Variants in CSMD1 observed in about 807,000 individuals in gnomAD.
CSMD1 encodes the protein CUB and Sushi multiple domains 1.
In CSMD1, 213 loss-of-function variants were observed where a neutral mutation model predicts 417.5. That is an observed-to-expected ratio of 0.51 (90% CI 0.46 to 0.57). CSMD1 has a LOEUF of 0.57. Among genes scored for constraint, CSMD1 ranks in the 20% least tolerant of loss-of-function variants. The pLI, the probability that CSMD1 is intolerant of heterozygous loss-of-function variation, is 0.00. For missense variants in CSMD1, 6,923 were observed against 4,529.7 expected (o/e 1.53, Z -15.17); for synonymous variants, 2,862 against 1,736.8 (o/e 1.65, Z -16.11).
intron 2 of CSMD1, among the ~76,000 whole-genome samples, chr8:4,440,680 C>A (rs574597155): frequency 1.3e-5 from 2 of 152,252 alleles, no homozygotes; most frequent in African/African-American, 4.8e-5. Context: ...AATTTTATCA[C>A]ATCAATGTAT....
intron 2 of CSMD1, among the ~76,000 whole-genome samples, chr8:4,493,788 T>A (rs1481479015): frequency 6.6e-6 from 1 of 152,178 alleles, no homozygotes; most frequent in East Asian, 1.9e-4. Context: ...AAGAATAGTA[T>A]TTACTAAGCT....
rs75790224 is a variant in CSMD1 at position 4,480,543 on chromosome 8, C to A, written c.303-60478G>T. Among the ~76,000 whole-genome samples the A allele has an allele frequency of 2.2e-3, 335 of 152,288 alleles. 1 individual carries two copies. Among genetic ancestry groups the A allele is most frequent in the African/African-American group, 7.8e-3 (324 of 41,560 alleles). On this transcript the variant is annotated intron_variant, in intron 2 of 69. Transcript: ENST00000635120. ...AATTTCTCCGCCTTTTTGCACCATG[C>A]GTCAAGCGGAGGTCCTGTTACTGCA...
At chr8:3,566,748 G>C (rs918224235) in intron 10 of CSMD1, among the ~76,000 whole-genome samples, 2 of 152,164 alleles carry the variant, frequency 1.3e-5, no homozygotes, top group Non-Finnish European at 2.9e-5. Flanking sequence ...ACACCAGTTG[G>C]AATGGCTATT....
intron 3 of CSMD1, among the ~76,000 whole-genome samples, chr8:4,392,043 G>A (rs1016263101): frequency 6.6e-6 from 1 of 152,124 alleles, no homozygotes; most frequent in Non-Finnish European, 1.5e-5. Flanking sequence ...AGGGTTTTGG[G>A]GGCAATGCGA....
intron 3 of CSMD1, among the ~76,000 whole-genome samples, chr8:4,197,089 C>G (rs927563206): frequency 6.6e-6 from 1 of 152,096 alleles, no homozygotes; most frequent in African/African-American, 2.4e-5. Flanking sequence ...AATGAAACAT[C>G]AAGATGAAGA....
At chr8:3,565,807 C>T (rs1799680339) in intron 10 of CSMD1, among the ~76,000 whole-genome samples, 1 of 151,880 alleles carries the variant, frequency 6.6e-6, no homozygotes, top group Non-Finnish European at 1.5e-5. Flanking sequence ...TGAGATATCT[C>T]TCAAATATAT....
intron 1 of CSMD1, among the ~76,000 whole-genome samples, chr8:4,675,842 T>C (rs1805649809): frequency 1.3e-5 from 2 of 152,202 alleles, no homozygotes; most frequent in African/African-American, 4.8e-5. Flanking sequence ...ATCACATTTA[T>C]GCAGTGTAGT....
chr8:3,144,887 T>C (rs1298884232), intron 40 of CSMD1, among the ~76,000 whole-genome samples: 1 of 151,920 alleles, frequency 6.6e-6, no homozygotes, highest in Non-Finnish European at 1.5e-5. Flanking sequence ...CTCCTCTGCC[T>C]GCTGTGACAG....
intron 2 of CSMD1, among the ~76,000 whole-genome samples, chr8:4,606,030 G>C (rs1800849991): frequency 6.6e-6 from 1 of 152,190 alleles, no homozygotes; most frequent in South Asian, 2.1e-4. Context: ...GACAGGAATG[G>C]TTGGAGTCTA....
At chr8:3,815,428 T>A (rs1190373294) in intron 5 of CSMD1, among the ~76,000 whole-genome samples, 3 of 152,200 alleles carry the variant, frequency 2.0e-5, no homozygotes, top group African/African-American at 7.2e-5. Flanking sequence ...ATTGATAGTA[T>A]AATACACTGA....
chr8:3,410,956 T>G (rs988726915), intron 12 of CSMD1, among the ~76,000 whole-genome samples: 8 of 152,116 alleles, frequency 5.3e-5, no homozygotes, highest in Admixed American at 4.6e-4. Context: ...GAAAATGCCC[T>G]GAAGGAAGAT....
chr8:4,920,590 G>T (rs1806372116), intron 1 of CSMD1, among the ~76,000 whole-genome samples: 1 of 152,074 alleles, frequency 6.6e-6, no homozygotes, highest in Non-Finnish European at 1.5e-5. Context: ...GGGAGGCTGA[G>T]GCAGGTGGAT....
chr8:4,887,319 GT>G (rs1803816707), intron 1 of CSMD1, among the ~76,000 whole-genome samples: 1 of 152,010 alleles, frequency 6.6e-6, no homozygotes, highest in Non-Finnish European at 1.5e-5. Context: ...ATTACAATGT[GT>G]TAAAGAACAT....
intron 7 of CSMD1, among the ~76,000 whole-genome samples, chr8:3,703,136 A>T (rs1261667552): frequency 2.6e-5 from 4 of 152,206 alleles, no homozygotes; most frequent in Admixed American, 2.6e-4. Flanking sequence ...TACTGATTAC[A>T]AGCTGGTGAA....
chr8:4,466,145 T>A lies in CSMD1; in HGVS notation c.303-46080A>T, dbSNP rs149280007. ...GGATAGTTTTATAAAGAATGAAATA[T>A]TGTGAGAGAGTCTTACTCCGTGGTC... On this transcript the variant is annotated intron_variant, in intron 2 of 69. Transcript: ENST00000635120. Among the ~76,000 whole-genome samples the A allele has an allele frequency of 9.7e-3, 1,471 of 152,260 alleles. 22 individuals are homozygous for A. The highest frequency in any genetic ancestry group is 0.034 in the African/African-American group (1,397 of 41,542).
intron 3 of CSMD1, among the ~76,000 whole-genome samples, chr8:4,283,589 G>C (rs753057908): frequency 2.0e-5 from 3 of 152,118 alleles, no homozygotes; most frequent in African/African-American, 7.2e-5. Flanking sequence ...ATGTAATTTA[G>C]GAAACCCAGG....
chr8:4,682,542 T>G (rs897550905), intron 1 of CSMD1, among the ~76,000 whole-genome samples: 3 of 152,074 alleles, frequency 2.0e-5, no homozygotes, highest in Non-Finnish European at 4.4e-5. Context: ...AAAATCCAAT[T>G]AGAACAGTTG....
intron 3 of CSMD1, among the ~76,000 whole-genome samples, chr8:4,284,386 CA>C (rs1796949641): frequency 6.9e-6 from 1 of 144,776 alleles, no homozygotes; most frequent in Non-Finnish European, 1.5e-5. Flanking sequence ...CCACCCTCCC[CA>C]AAAAGAGAAA....
At chr8:3,407,670 G>T (rs536940800) in intron 14 of CSMD1, among the ~76,000 whole-genome samples, 2 of 152,116 alleles carry the variant, frequency 1.3e-5, no homozygotes, top group Admixed American at 6.5e-5. Flanking sequence ...AGAGAGAGGA[G>T]ATCCAGCTTC....
Sources: allele counts gnomAD v4.1 joint callset (sites outside exome capture counted in the v4.1 genomes callset), GRCh38; gene constraint gnomAD v4.1.1; transcripts MANE v1.5; gene names NCBI Gene and HGNC (gene_info 2026-07-23, HGNC 2026-07-21).